Variants in PPP2R2C observed in about 807,000 individuals in gnomAD.
PPP2R2C encodes protein phosphatase 2, regulatory subunit B, gamma.
In PPP2R2C, 10 loss-of-function variants were observed where a neutral mutation model predicts 45.3. That is an observed-to-expected ratio of 0.22 (90% CI 0.14 to 0.37). The LOEUF is 0.37. Ranked by LOEUF, PPP2R2C falls within the 10% of genes least tolerant of loss-of-function variation. The probability of loss-of-function intolerance (pLI) is 1.00; values close to 1 mark genes in which losing one functional copy is unlikely to be tolerated. For missense variants in PPP2R2C, 308 were observed against 619.7 expected, an observed-to-expected ratio of 0.50 and a Z score of 5.34; for synonymous variants, 257 against 245.4, an observed-to-expected ratio of 1.05 and a Z score of -0.44.
intron 1 of PPP2R2C, among the ~76,000 whole-genome samples, chr4:6,553,960 C>T (rs1725272295): frequency 6.6e-6 from 1 of 152,142 alleles, no homozygotes; most frequent in Non-Finnish European, 1.5e-5. Flanking sequence ...TGGCCCTGCT[C>T]CCTGATGGAA....
intron 1 of PPP2R2C, among the ~76,000 whole-genome samples, chr4:6,553,890 C>A (rs1289984580): frequency 6.6e-6 from 1 of 152,110 alleles, no homozygotes; most frequent in Non-Finnish European, 1.5e-5. Flanking sequence ...CTCTACCAGG[C>A]CACCCAGCAG....
chr4:6,434,838 T>G (rs1719819045), intron 1 of PPP2R2C, among the ~76,000 whole-genome samples: 1 of 152,218 alleles, frequency 6.6e-6, no homozygotes, highest in African/African-American at 2.4e-5. Flanking sequence ...ATGAGTGAGG[T>G]TGAGTTTTTA....
At chr4:6,337,135 T>TATAC (rs1733034275) in intron 6 of PPP2R2C, among the ~76,000 whole-genome samples, 1 of 67,040 alleles carries the variant, frequency 1.5e-5, no homozygotes, top group African/African-American at 5.6e-5. Flanking sequence ...TATATATATA[T>TATAC]ATATATATAT....
intron 1 of PPP2R2C, among the ~76,000 whole-genome samples, chr4:6,548,318 C>G (rs966579127): frequency 5.9e-5 from 9 of 152,202 alleles, no homozygotes; most frequent in Admixed American, 1.3e-4. Flanking sequence ...CCCGGTCCCC[C>G]ACTGGTGGAA....
chr4:6,380,912 T>C, intron 2 of PPP2R2C, 85 bp downstream of exon 2: 1 of 1,445,058 alleles, frequency 6.9e-7, no homozygotes, highest in Non-Finnish European at 9.1e-7. Flanking sequence ...ATCCCCCTTA[T>C]CCTTATCCCC....
intron 1 of PPP2R2C, among the ~76,000 whole-genome samples, chr4:6,456,670 G>T (rs777740510): frequency 3.3e-5 from 5 of 152,336 alleles, no homozygotes; most frequent in South Asian, 2.1e-4. Flanking sequence ...ACGCAGTGGA[G>T]GGGGAGCTCT....
intron 1 of PPP2R2C, among the ~76,000 whole-genome samples, chr4:6,396,355 C>T (rs1312507314): frequency 6.6e-6 from 1 of 152,230 alleles, no homozygotes; most frequent in Non-Finnish European, 1.5e-5. Context: ...GCCCACCACA[C>T]CCCTCTCAGC....
chr4:6,424,570 AG>A (rs1719179103), intron 1 of PPP2R2C, among the ~76,000 whole-genome samples: 1 of 152,206 alleles, frequency 6.6e-6, no homozygotes, highest in Admixed American at 6.5e-5. Flanking sequence ...CCGGAGAGCC[AG>A]ACCTCGCCAG....
chr4:6,380,482 G>A (rs1408126284), intron 2 of PPP2R2C: 1 of 157,328 alleles, frequency 6.4e-6, no homozygotes, highest in African/African-American at 2.4e-5. Flanking sequence ...CTCAGTCTGA[G>A]GGCTGTGACA....
intron 1 of PPP2R2C, chr4:6,384,385 A>T (rs2109320707): frequency 1.0e-6 from 1 of 985,316 alleles, no homozygotes; most frequent in Non-Finnish European, 1.2e-6. Flanking sequence ...ATTCTCCAAA[A>T]TGTGAACGGA....
chr4:6,324,277 C>T lies in PPP2R2C; in HGVS notation c.1053-684G>A, dbSNP rs773926625. Among the ~76,000 whole-genome samples, 1 of 151,968 alleles carries T rather than the reference C, an allele frequency of 6.6e-6. No individual in the cohort carries two copies. Among genetic ancestry groups the T allele is most frequent in the Admixed American group, 6.6e-5 (1 of 15,242 alleles). ...TGAAACCCTGTCTCTACTAAAAATA[C>T]AAAAATTAGCTGGACATGGTGGTGG... On this transcript the variant is annotated intron_variant, in intron 8 of 8. Transcript: ENST00000382599. The surrounding 1 kb of genome is among the most constrained non-coding windows in gnomAD (Gnocchi z 4.1).
intron 1 of PPP2R2C, among the ~76,000 whole-genome samples, chr4:6,430,234 G>A (rs1262598045): frequency 6.6e-6 from 1 of 152,170 alleles, no homozygotes; most frequent in Non-Finnish European, 1.5e-5. Context: ...CACCTGCACT[G>A]TCCTGCCTGA....
Position 6,424,586 on chromosome 4 carries a change from T to C in PPP2R2C, c.71-43492A>G, listed in dbSNP as rs529164251. On this transcript the variant is annotated intron_variant, in intron 1 of 8. Coordinates refer to ENST00000382599, the MANE Select transcript of PPP2R2C (RefSeq NM_020416.4). ...CGGAGAGCCAGACCTCGCCAGGCAG[T>C]GTCGATACATTGACACAGGAGACCA... Among the ~76,000 whole-genome samples, 102 of 152,302 alleles carry C rather than the reference T, an allele frequency of 6.7e-4. 3 individuals are homozygous for C. Among genetic ancestry groups the C allele is most frequent in the Admixed American group, 1.3e-4 (2 of 15,310 alleles).
At chr4:6,445,962 T>C (rs1720394404) in intron 1 of PPP2R2C, among the ~76,000 whole-genome samples, 1 of 152,192 alleles carries the variant, frequency 6.6e-6, no homozygotes, top group African/African-American at 2.4e-5. Flanking sequence ...CTTAGGCGAC[T>C]GCCCGGCACA....
At chr4:6,416,224 C>G (rs1283714292) in intron 1 of PPP2R2C, among the ~76,000 whole-genome samples, 3 of 92,332 alleles carry the variant, frequency 3.2e-5, no homozygotes, top group Non-Finnish European at 7.3e-5. Flanking sequence ...GTGTGCCCAG[C>G]CCTGGGGTGG....
chr4:6,326,328 G>C (rs1420576534), intron 8 of PPP2R2C, among the ~76,000 whole-genome samples: 2 of 152,160 alleles, frequency 1.3e-5, no homozygotes, highest in Non-Finnish European at 2.9e-5. Context: ...AACAGCCCTA[G>C]GGATACAGCA....
At chr4:6,456,408 A>G (rs1721040021) in intron 1 of PPP2R2C, among the ~76,000 whole-genome samples, 1 of 152,000 alleles carries the variant, frequency 6.6e-6, no homozygotes, top group Admixed American at 6.5e-5. Context: ...GAGCACCTTA[A>G]CATACACACA....
At chr4:6,496,630 G>C (rs777541492) in intron 2 of PPP2R2C, among the ~76,000 whole-genome samples, 21 of 152,188 alleles carry the variant, frequency 1.4e-4, no homozygotes, top group Non-Finnish European at 2.4e-4. Flanking sequence ...GAGAGGCTGA[G>C]GCGAGTGGAT....
At chr4:6,415,733 G>A (rs978048490) in intron 1 of PPP2R2C, among the ~76,000 whole-genome samples, 1 of 152,200 alleles carries the variant, frequency 6.6e-6, no homozygotes, top group Non-Finnish European at 1.5e-5. Context: ...GGTCACCCAG[G>A]AGGGGAACTG....
Sources: allele counts gnomAD v4.1 joint callset (sites outside exome capture counted in the v4.1 genomes callset), GRCh38; gene constraint gnomAD v4.1.1; non-coding constraint Gnocchi (gnomAD v3.1); transcripts MANE v1.5; gene names NCBI Gene and HGNC (gene_info 2026-07-23, HGNC 2026-07-21).